CPAMD8: variants seen among roughly 807,000 people sequenced by gnomAD.
The protein encoded by CPAMD8 is C3 and PZP-like alpha-2-macroglobulin domain-containing protein 8.
A neutral mutation model predicts 224.7 loss-of-function variants in CPAMD8; 146 were observed. The ratio of observed to expected loss-of-function variants is 0.65; its 90% CI spans 0.57 to 0.75. The LOEUF (loss-of-function observed/expected upper bound fraction) is 0.75. Among genes scored for constraint, CPAMD8 ranks in the 30% least tolerant of loss-of-function variants. CPAMD8 has a pLI of 0.00. For synonymous variants in CPAMD8, 966 were observed against 1,044.6 expected, an observed-to-expected ratio of 0.92 and a Z score of 1.45; for missense variants, 2,301 against 2,537.5, an observed-to-expected ratio of 0.91 and a Z score of 2.00.
intron 25 of CPAMD8, among the ~76,000 whole-genome samples, chr19:16,926,975 A>C (rs2053387066): frequency 6.6e-6 from 1 of 152,022 alleles, no homozygotes; most frequent in Non-Finnish European, 1.5e-5. Context: ...GAGAGCCTCG[A>C]CACCCTCATT....
rs769534250 is a variant in CPAMD8 at position 17,002,307 on chromosome 19, G to T, written c.717C>A (p.Ile239=). ...FELLIDPPRY[I]QDLDACETGT... is the part of the protein sequence containing the mutation. ...CTGTCTCACAGGCGTCCAGGTCTTG[G>T]ATATACCGGGGCGGGTCAATCAGAA... The change falls in exon 9 of 42, where the codon ATC becomes ATA. Residue 239 remains isoleucine, a synonymous_variant. Coordinates refer to ENST00000443236, the MANE Select transcript of CPAMD8 (RefSeq NM_015692.5). 6.2e-7 allele frequency: 1 copy of T among 1,606,544 alleles called. No homozygotes were observed.
At chr19:16,976,728 C>G (rs2055287650) in intron 15 of CPAMD8, among the ~76,000 whole-genome samples, 1 of 151,866 alleles carries the variant, frequency 6.6e-6, no homozygotes, top group Non-Finnish European at 1.5e-5. Context: ...GGCGGAGAGC[C>G]TGTGGCAGTT....
intron 21 of CPAMD8, 21 bp downstream of exon 21, chr19:16,947,053 C>G (rs1324225027): frequency 1.3e-6 from 2 of 1,579,730 alleles, no homozygotes; most frequent in Admixed American, 1.8e-5. Context: ...GGGGACACCC[C>G]AAGAACTGTG....
chr19:16,896,662 C>G lies in CPAMD8; in HGVS notation c.5069G>C (p.Trp1690Ser). ...VERAPARGPG[W>S]FPGESGPAVA... is the part of the protein sequence containing the mutation. The stretch of plus-strand genomic sequence containing the variant: ...GGCAGGGCCCGACTCGCCGGGGAAC[C>G]AGCCTGGGGGACGAGGCAGGCTCGA... The change falls in exon 40 of 42, where the codon TGG (tryptophan) becomes TCG (serine). Residue 1690 changes from tryptophan (W) to serine (S), a missense_variant. Physicochemically the swap from Trp to Ser is radical, Grantham distance 177 (BLOSUM62 -3). This residue lies in a region of CPAMD8 where 1,709 missense variants were observed against 1,753.2 expected (regional missense o/e 0.97). Coordinates refer to ENST00000443236, the MANE Select transcript of CPAMD8 (RefSeq NM_015692.5). 1 of 1,458,530 alleles carries G rather than the reference C, an allele frequency of 6.9e-7. No individual in the cohort carries two copies. Among genetic ancestry groups the G allele is most frequent in the South Asian group, 1.3e-5 (1 of 74,166 alleles). The allele number at this position is 1,458,530 out of a possible 1,614,324, so 90.3% of individuals were successfully genotyped here.
At chr19:17,022,685 G>A (rs143789033) in intron 1 of CPAMD8, among the ~76,000 whole-genome samples, 1,588 of 152,126 alleles carry the variant, frequency 0.01, 25 homozygotes, top group African/African-American at 0.035. Flanking sequence ...TTTTAGTAGA[G>A]GCAGGGTTTT....
chr19:16,967,769 AC>A (rs2054879172), intron 18 of CPAMD8, among the ~76,000 whole-genome samples: 2 of 149,958 alleles, frequency 1.3e-5, no homozygotes, highest in South Asian at 4.2e-4. Flanking sequence ...AGATGGCGCC[AC>A]TACACTCCAG....
chr19:16,953,091 C>A (rs1316730960), intron 19 of CPAMD8, among the ~76,000 whole-genome samples: 2 of 152,102 alleles, frequency 1.3e-5, no homozygotes, highest in Admixed American at 6.6e-5. Context: ...TGATTTTTGA[C>A]AAGGGCATCA....
At chr19:16,977,257 C>T (rs1289829661) in intron 15 of CPAMD8, 111 bp downstream of exon 15, 1 of 701,076 alleles carries the variant, frequency 1.4e-6, no homozygotes, top group Non-Finnish European at 2.5e-6. Flanking sequence ...TTCCTTACAT[C>T]ATGCTGCGAC....
intron 7 of CPAMD8, among the ~76,000 whole-genome samples, chr19:17,007,250 C>T (rs189429923): frequency 8.3e-4 from 126 of 152,156 alleles, no homozygotes; most frequent in Middle Eastern, 3.4e-3. Flanking sequence ...AGGAGAATGG[C>T]TTGAACCCGG....
chr19:16,942,595 G>A (rs116631045), intron 22 of CPAMD8, among the ~76,000 whole-genome samples: 2,231 of 152,286 alleles, frequency 0.015, 55 homozygotes, highest in African/African-American at 0.051. Context: ...TGGGGCCCTG[G>A]GCACAAATCC....
rs1044091443 is a variant in CPAMD8 at position 16,896,562 on chromosome 19, C to T, written c.5169G>A (p.Val1723=). The T allele has an allele frequency of 2.5e-5, 38 of 1,508,758 alleles. 1 individual carries two copies. In the African/African-American group the frequency reaches 5.3e-4, roughly 21 times the overall value. The allele number at this position is 1,508,758 out of a possible 1,614,324, so 93.5% of individuals were successfully genotyped here. The change falls in exon 40 of 42, where the codon GTG becomes GTA. Residue 1723 remains valine, a synonymous_variant. Transcript: ENST00000443236. Reference sequence around the variant, plus strand: ...CGTAGACCACCCCGTCGGAGCCGCACACCGGGTTCCCCTGGGCGCCGCAGT... The same window carrying T: ...CGTAGACCACCCCGTCGGAGCCGCATACCGGGTTCCCCTGGGCGCCGCAGT... ...DHDCGAQGNP[V]CGSDGVVYAS... is the part of the protein sequence containing the mutation.
rs113806151 is a variant in CPAMD8 at position 17,004,587 on chromosome 19, G to A, written c.560-201C>T. Among the ~76,000 whole-genome samples the A allele has an allele frequency of 5.1e-3, 775 of 152,144 alleles. 7 individuals are homozygous for A. The highest frequency in any genetic ancestry group is 0.017 in the African/African-American group (725 of 41,522). The stretch of plus-strand genomic sequence containing the variant: ...AGCGGAGCAGGTTTGACACCCCGGC[G>A]GGCTTCGAAGGGATGCAGGAAGGGA... On this transcript the variant is annotated intron_variant, in intron 7 of 41. Coordinates refer to ENST00000443236, the MANE Select transcript of CPAMD8 (RefSeq NM_015692.5).
At chr19:16,921,622 A>T (rs920373220) in intron 27 of CPAMD8, among the ~76,000 whole-genome samples, 4 of 152,154 alleles carry the variant, frequency 2.6e-5, no homozygotes, top group African/African-American at 9.7e-5. Context: ...AGCCCAGGGC[A>T]TCCAGGGCTC....
intron 3 of CPAMD8, among the ~76,000 whole-genome samples, chr19:17,019,937 C>G (rs1599931619): frequency 6.7e-6 from 1 of 149,730 alleles, no homozygotes; most frequent in Non-Finnish European, 1.5e-5. Flanking sequence ...TTCTCTTATT[C>G]CATCCCAATT....
chr19:16,978,079 C>A (rs372971812), intron 14 of CPAMD8, among the ~76,000 whole-genome samples: 1 of 152,132 alleles, frequency 6.6e-6, no homozygotes, highest in Non-Finnish European at 1.5e-5. Flanking sequence ...AAATACTCTA[C>A]GGCAAGAGAA....
At chr19:16,910,723 C>G (rs765346373) in intron 29 of CPAMD8, 1 of 152,372 alleles carries the variant, frequency 6.6e-6, no homozygotes, top group Non-Finnish European at 1.5e-5. Context: ...CTGGGTCAAG[C>G]AATCCTCCTG....
chr19:16,945,793 A>ATG (rs900913138), intron 21 of CPAMD8, 114 bp from the exon 22 acceptor site: 27 of 931,132 alleles, frequency 2.9e-5, no homozygotes, highest in East Asian at 2.0e-4. Context: ...GTGTGTGTGC[A>ATG]TGTGTGTGTG....
At chr19:16,991,356 C>T (rs551489112) in intron 12 of CPAMD8, among the ~76,000 whole-genome samples, 9 of 152,190 alleles carry the variant, frequency 5.9e-5, no homozygotes, top group East Asian at 5.8e-4. Flanking sequence ...ACAGGTGGCC[C>T]GGGGACCCCT....
intron 18 of CPAMD8, among the ~76,000 whole-genome samples, chr19:16,961,205 C>G (rs544664393): frequency 6.6e-6 from 1 of 152,170 alleles, no homozygotes; most frequent in African/African-American, 2.4e-5. Context: ...CGCAGTAGGG[C>G]GGGGTGTCGC....
Sources: gnomAD v4.1 joint callset for allele counts (sites outside exome capture counted in the v4.1 genomes callset) on GRCh38, gnomAD v4.1.1 for gene constraint, gnomAD v4.1.1 regional missense constraint, MANE v1.5 for transcripts, NCBI Gene and HGNC (gene_info 2026-07-23, HGNC 2026-07-21) for gene names.